Variants in PCDH15 observed in about 807,000 individuals in gnomAD.
PCDH15 encodes the protein protocadherin related 15, also known as protocadherin-15.
Under a neutral mutation model 178.5 loss-of-function variants are expected in PCDH15, and 129 were observed. The observed-to-expected ratio is 0.72, with a 90% CI of 0.63 to 0.84. The LOEUF is 0.84. Ranked by LOEUF, PCDH15 falls within the 40% of genes least tolerant of loss-of-function variation. PCDH15 has a pLI of 0.00. For synonymous variants in PCDH15, 800 were observed against 732.0 expected (o/e 1.09, Z -1.50); for missense variants, 2,230 against 2,099.9 (o/e 1.06, Z -1.21).
At chr10:55,370,698 T>C (rs1464031004) in intron 2 of PCDH15, among the ~76,000 whole-genome samples, 1 of 152,106 alleles carries the variant, frequency 6.6e-6, no homozygotes, top group Non-Finnish European at 1.5e-5. Flanking sequence ...AATCATCTCT[T>C]TAAAGTAAAT....
chr10:55,264,451 T>C (rs892206047), intron 1 of PCDH15, among the ~76,000 whole-genome samples: 1 of 152,138 alleles, frequency 6.6e-6, no homozygotes, highest in Non-Finnish European at 1.5e-5. Context: ...CTCCAGGTTT[T>C]CCCTGCTTCA....
intron 1 of PCDH15, among the ~76,000 whole-genome samples, chr10:54,702,259 T>C (rs1408383835): frequency 6.6e-6 from 1 of 151,860 alleles, no homozygotes; most frequent in Non-Finnish European, 1.5e-5. Flanking sequence ...TTGAAATGAA[T>C]AACAAAGATA....
chr10:55,003,397 G>A (rs1035186534), intron 2 of PCDH15, among the ~76,000 whole-genome samples: 3 of 150,682 alleles, frequency 2.0e-5, no homozygotes, highest in Non-Finnish European at 4.4e-5. Flanking sequence ...GGAGTTGATT[G>A]CATAGAATGA....
intron 13 of PCDH15, among the ~76,000 whole-genome samples, chr10:54,157,921 T>A (rs1159193903): frequency 6.6e-6 from 1 of 152,148 alleles, no homozygotes; most frequent in Non-Finnish European, 1.5e-5. Flanking sequence ...ATAACAAGAT[T>A]CACCTTTGCT....
chr10:54,453,118 C>G (rs2076585800), intron 3 of PCDH15, among the ~76,000 whole-genome samples: 2 of 152,018 alleles, frequency 1.3e-5, no homozygotes, highest in Non-Finnish European at 2.9e-5. Flanking sequence ...GGATCTAGAA[C>G]TAGAAATACC....
In PCDH15 at chr10:53,822,654, C is replaced by G. The variant is rs1048667609; in HGVS notation, c.4368-2424G>C. The G allele has an allele frequency of 1.2e-6, 2 of 1,614,042 alleles. No individual in the cohort carries two copies. The highest frequency in any genetic ancestry group is 1.1e-5 in the South Asian group (1 of 91,080). On this transcript the variant is annotated intron_variant, in intron 32 of 37. Coordinates refer to ENST00000644397, the MANE Select transcript of PCDH15 (RefSeq NM_001384140.1). Reference sequence around the variant, plus strand: ...TTCCAAGGAACACTCAGCAGGAGAACTGATGACATTAGGTTCTGATTTGAG... The same window carrying G: ...TTCCAAGGAACACTCAGCAGGAGAAGTGATGACATTAGGTTCTGATTTGAG...
intron 8 of PCDH15, among the ~76,000 whole-genome samples, chr10:54,272,211 G>A (rs2058094531): frequency 6.6e-6 from 1 of 151,292 alleles, no homozygotes; most frequent in Non-Finnish European, 1.5e-5. Context: ...TGGCATTAAA[G>A]GCATAAGAGG....
At chr10:53,988,031 C>T (rs747947648) in intron 21 of PCDH15, among the ~76,000 whole-genome samples, 5 of 152,184 alleles carry the variant, frequency 3.3e-5, no homozygotes, top group African/African-American at 4.8e-5. Context: ...CCTGTGTTCA[C>T]GTTTCTTTTT....
intron 2 of PCDH15, among the ~76,000 whole-genome samples, chr10:55,394,465 C>T (rs2132017393): frequency 6.6e-6 from 1 of 151,810 alleles, no homozygotes; most frequent in South Asian, 2.1e-4. Flanking sequence ...AAAACAAAAA[C>T]AAACTACCAC....
At chr10:55,073,594 T>C (rs1307210116) in intron 2 of PCDH15, among the ~76,000 whole-genome samples, 1 of 152,132 alleles carries the variant, frequency 6.6e-6, no homozygotes, top group East Asian at 1.9e-4. Flanking sequence ...TCAGGGACAT[T>C]GGCCTGTAGT....
chr10:55,252,686 G>T (rs1446859399), intron 1 of PCDH15, among the ~76,000 whole-genome samples: 1 of 152,008 alleles, frequency 6.6e-6, no homozygotes, highest in Non-Finnish European at 1.5e-5. Flanking sequence ...GGGGGGTAAA[G>T]TGATAAAAAC....
intron 21 of PCDH15, among the ~76,000 whole-genome samples, chr10:53,986,175 C>A (rs1208463690): frequency 6.7e-6 from 1 of 150,176 alleles, no homozygotes; most frequent in Non-Finnish European, 1.5e-5. Flanking sequence ...CAAAAAAAAA[C>A]AACAACATAC....
At chr10:55,335,806 A>T (rs1844370500) in intron 2 of PCDH15, among the ~76,000 whole-genome samples, 1 of 152,126 alleles carries the variant, frequency 6.6e-6, no homozygotes, top group South Asian at 2.1e-4. Context: ...AAAAGGGGTA[A>T]CTTGTAGTTC....
intron 2 of PCDH15, among the ~76,000 whole-genome samples, chr10:55,616,839 T>C (rs1452519531): frequency 2.0e-5 from 3 of 152,126 alleles, no homozygotes; most frequent in African/African-American, 4.8e-5. Context: ...TCAACTTGAA[T>C]AGACTAAGTG....
intron 2 of PCDH15, among the ~76,000 whole-genome samples, chr10:55,124,553 C>G (rs1837850983): frequency 6.6e-6 from 1 of 151,968 alleles, no homozygotes; most frequent in Non-Finnish European, 1.5e-5. Context: ...AACTTTGATC[C>G]TCTCCCTATT....
At chr10:55,328,690 C>A (rs1259427208) in intron 2 of PCDH15, among the ~76,000 whole-genome samples, 1 of 151,238 alleles carries the variant, frequency 6.6e-6, no homozygotes, top group Non-Finnish European at 1.5e-5. Flanking sequence ...TGAACACATA[C>A]AATTTATTGT....
At chr10:55,093,391 A>G (rs1385092150) in intron 2 of PCDH15, among the ~76,000 whole-genome samples, 1 of 152,030 alleles carries the variant, frequency 6.6e-6, no homozygotes, top group Admixed American at 6.6e-5. Flanking sequence ...CATTCTGGAT[A>G]TTAGCCCTTT....
At chr10:53,892,717 C>T (rs2081655859) in intron 26 of PCDH15, among the ~76,000 whole-genome samples, 1 of 151,992 alleles carries the variant, frequency 6.6e-6, no homozygotes, top group Non-Finnish European at 1.5e-5. Flanking sequence ...TCAACTAGTA[C>T]AGGAGAAAAT....
chr10:54,303,524 A>G (rs2060275405), intron 8 of PCDH15, among the ~76,000 whole-genome samples: 1 of 152,136 alleles, frequency 6.6e-6, no homozygotes, highest in Admixed American at 6.5e-5. Context: ...TTAGAACTCA[A>G]AATCTAGAGT....
Sources: gnomAD v4.1 joint callset for allele counts (sites outside exome capture counted in the v4.1 genomes callset) on GRCh38, gnomAD v4.1.1 for gene constraint, MANE v1.5 for transcripts, NCBI Gene and HGNC (gene_info 2026-07-23, HGNC 2026-07-21) for gene names.